The following INPP4B variants were observed in gnomAD, a reference collection of about 807,000 sequenced individuals.
INPP4B encodes the protein inositol polyphosphate-4-phosphatase type II B.
A neutral mutation model predicts 122.5 loss-of-function variants in INPP4B; 55 were observed. The ratio of observed to expected loss-of-function variants is 0.45; its 90% CI spans 0.36 to 0.56. The LOEUF (loss-of-function observed/expected upper bound fraction) is 0.56. Among genes scored for constraint, INPP4B ranks in the 20% least tolerant of loss-of-function variants. The pLI is 0.00. For synonymous variants in INPP4B, 403 were observed against 388.7 expected, an observed-to-expected ratio of 1.04 and a Z score of -0.43; for missense variants, 1,000 against 1,097.7, an observed-to-expected ratio of 0.91 and a Z score of 1.26.
intron 1 of INPP4B, among the ~76,000 whole-genome samples, chr4:142,735,056 C>T (rs952585034): frequency 6.6e-6 from 1 of 152,130 alleles, no homozygotes; most frequent in Admixed American, 6.5e-5. Flanking sequence ...GGAGAACCGA[C>T]GTTTCAGGGC....
chr4:142,183,969 G>C (rs1348699180), intron 15 of INPP4B, among the ~76,000 whole-genome samples: 9 of 151,910 alleles, frequency 5.9e-5, no homozygotes, highest in Non-Finnish European at 1.3e-4. Context: ...GTGAAGACAA[G>C]AAAATCCAAG....
chr4:142,030,927 T>C (rs1232744405), intron 25 of INPP4B, among the ~76,000 whole-genome samples: 2 of 152,160 alleles, frequency 1.3e-5, no homozygotes, highest in African/African-American at 2.4e-5. Context: ...ATAAATTATA[T>C]CACCTCCTGC....
At chr4:142,799,089 A>T (rs1474056518) in intron 1 of INPP4B, among the ~76,000 whole-genome samples, 1 of 151,878 alleles carries the variant, frequency 6.6e-6, no homozygotes, top group African/African-American at 2.4e-5. Flanking sequence ...CACTAGAGTT[A>T]AATATTGGGA....
At chr4:142,792,571 G>A (rs1200534905) in intron 1 of INPP4B, among the ~76,000 whole-genome samples, 1 of 151,932 alleles carries the variant, frequency 6.6e-6, no homozygotes, top group African/African-American at 2.4e-5. Context: ...ACTGCTCTAA[G>A]GTGAGTCTAA....
At chr4:142,116,226 C>T (rs1234351661) in intron 21 of INPP4B, among the ~76,000 whole-genome samples, 1 of 151,976 alleles carries the variant, frequency 6.6e-6, no homozygotes, top group Non-Finnish European at 1.5e-5. Flanking sequence ...GACTTTAACA[C>T]CTCACTCTCA....
At chr4:142,304,537 T>C (rs187891482) in intron 9 of INPP4B, among the ~76,000 whole-genome samples, 1 of 152,134 alleles carries the variant, frequency 6.6e-6, no homozygotes, top group African/African-American at 2.4e-5. Context: ...AATCCTGGCA[T>C]AGAGATGCTA....
At chr4:142,257,877 AAGAGCC>A (rs1737232774) in intron 11 of INPP4B, among the ~76,000 whole-genome samples, 1 of 152,182 alleles carries the variant, frequency 6.6e-6, no homozygotes, top group African/African-American at 2.4e-5. Flanking sequence ...GGAACCAAAA[AAGAGCC>A]TGCATTGCCA....
At chr4:142,306,200 A>G (rs1763279195) in intron 8 of INPP4B, among the ~76,000 whole-genome samples, 1 of 147,440 alleles carries the variant, frequency 6.8e-6, no homozygotes, top group South Asian at 2.2e-4. Flanking sequence ...ACTCTTTTTG[A>G]CTCAATGTAA....
chr4:142,598,010 T>C (rs571958755), intron 2 of INPP4B, among the ~76,000 whole-genome samples: 3 of 152,212 alleles, frequency 2.0e-5, no homozygotes, highest in Admixed American at 1.3e-4. Flanking sequence ...ACTAGAAACA[T>C]TGCACACCTG....
intron 23 of INPP4B, among the ~76,000 whole-genome samples, chr4:142,100,465 T>G (rs1383814989): frequency 6.6e-6 from 1 of 152,144 alleles, no homozygotes; most frequent in South Asian, 2.1e-4. Context: ...CCTGGGTTAG[T>G]AGCAACTCAG....
In INPP4B at chr4:142,361,773, T is replaced by C. The variant is rs529387880; in HGVS notation, c.372+41165A>G. ...TTCTACCTTATTTATAGGTGGATATTGTCACCTTTTATTATCACAATATTA... is the reference window on the plus strand; with the variant it reads ...TTCTACCTTATTTATAGGTGGATATCGTCACCTTTTATTATCACAATATTA... On this transcript the variant is annotated intron_variant, in intron 7 of 25. Transcript: ENST00000262992. 1.4e-4 allele frequency among the ~76,000 whole-genome samples: 21 copies of C among 152,092 alleles called. No individual in the cohort carries two copies. In the East Asian group the frequency reaches 3.9e-3, roughly 28 times the overall value.
intron 7 of INPP4B, among the ~76,000 whole-genome samples, chr4:142,379,339 A>T (rs1793206164): frequency 6.6e-6 from 1 of 152,170 alleles, no homozygotes; most frequent in Non-Finnish European, 1.5e-5. Context: ...CAATGAGCAC[A>T]TCTTCAAAGA....
At chr4:142,169,654 A>T (rs572127461) in intron 16 of INPP4B, among the ~76,000 whole-genome samples, 35 of 151,840 alleles carry the variant, frequency 2.3e-4, no homozygotes, top group Middle Eastern at 3.4e-3. Flanking sequence ...TAGGAATTAT[A>T]AGCTATGAGA....
intron 1 of INPP4B, among the ~76,000 whole-genome samples, chr4:142,773,897 T>A (rs999342924): frequency 2.0e-5 from 3 of 151,218 alleles, no homozygotes; most frequent in Non-Finnish European, 4.4e-5. Flanking sequence ...ACAGTAGCGC[T>A]GCCTTCCAAA....
intron 1 of INPP4B, among the ~76,000 whole-genome samples, chr4:142,773,048 A>C (rs989667768): frequency 6.6e-6 from 1 of 152,178 alleles, no homozygotes; most frequent in Non-Finnish European, 1.5e-5. Flanking sequence ...TGTCTAAAAA[A>C]AAGTTTAAAA....
chr4:142,460,645 CT>C (rs1336755822), intron 3 of INPP4B, among the ~76,000 whole-genome samples: 1 of 152,076 alleles, frequency 6.6e-6, no homozygotes. Flanking sequence ...TGTCTCTTGT[CT>C]TTCTGGTATG....
At chr4:142,469,714 T>C (rs1208402194) in intron 2 of INPP4B, among the ~76,000 whole-genome samples, 1 of 152,148 alleles carries the variant, frequency 6.6e-6, no homozygotes, top group Non-Finnish European at 1.5e-5. Flanking sequence ...AACAAATATA[T>C]AATGCCTGTC....
intron 11 of INPP4B, among the ~76,000 whole-genome samples, chr4:142,249,934 G>A (rs1293805910): frequency 2.0e-5 from 3 of 152,118 alleles, no homozygotes; most frequent in Non-Finnish European, 2.9e-5. Flanking sequence ...ATAGAAAATA[G>A]TTTAAAGTTT....
chr4:142,842,076 A>G (rs1037607642), intron 1 of INPP4B, among the ~76,000 whole-genome samples: 1 of 151,828 alleles, frequency 6.6e-6, no homozygotes, highest in Non-Finnish European at 1.5e-5. Flanking sequence ...ATTGATTTAG[A>G]TAATTCCCAA....
Sources: allele counts gnomAD v4.1 joint callset (sites outside exome capture counted in the v4.1 genomes callset), GRCh38; gene constraint gnomAD v4.1.1; transcripts MANE v1.5; gene names NCBI Gene and HGNC (gene_info 2026-07-23, HGNC 2026-07-21).